The following MTCL1 variants were observed in gnomAD, a reference collection of about 807,000 sequenced individuals.
MTCL1 encodes the protein microtubule crosslinking factor 1.
MTCL1 carries 79 observed loss-of-function variants against 141.4 expected under a neutral mutation model. That is an observed-to-expected ratio of 0.56 (90% CI 0.47 to 0.67). The LOEUF is 0.67. Ranked by LOEUF, MTCL1 falls within the 30% of genes least tolerant of loss-of-function variation. The pLI, the probability that MTCL1 is intolerant of heterozygous loss-of-function variation, is 0.00. For missense variants in MTCL1, 2,177 were observed against 2,113.9 expected (o/e 1.03, Z -0.59); for synonymous variants, 914 against 875.8 (o/e 1.04, Z -0.77).
intron 4 of MTCL1, among the ~76,000 whole-genome samples, chr18:8,766,800 C>A (rs990145387): frequency 2.0e-5 from 3 of 152,202 alleles, no homozygotes; most frequent in Non-Finnish European, 2.9e-5. Flanking sequence ...GGACTTCCCT[C>A]CCTCTGTTCT....
At chr18:8,751,490 A>G (rs1490557935) in intron 4 of MTCL1, among the ~76,000 whole-genome samples, 1 of 152,252 alleles carries the variant, frequency 6.6e-6, no homozygotes, top group African/African-American at 2.4e-5. Context: ...TTTTGGGACA[A>G]GATAACTGAC....
chr18:8,819,340 T>C (rs2076765959), intron 13 of MTCL1, 81 bp downstream of exon 12: 11 of 1,453,682 alleles, frequency 7.6e-6, no homozygotes, highest in Non-Finnish European at 9.4e-6. Flanking sequence ...TCTGCCAGAT[T>C]CCTCTCCTGG....
rs1259179774 is a variant in MTCL1 at position 8,705,973 on chromosome 18, C to T, written c.313C>T (p.Pro105Ser). ...CCTCTCTCGGCGCAGTGGCGGCGTC[C>T]CGGGCGCGAAGGACAAGCCCCCGCC... The change falls in exon 1 of 14, where the codon CCG (proline) becomes TCG (serine). Residue 105 changes from proline to serine, a missense_variant. Coordinates refer to the MTCL1 transcript ENST00000306329. This position sits in a 1 kb window ranked among gnomAD's most constrained non-coding sequence, Gnocchi z 5.2. 8.8e-7 allele frequency: 1 copy of T among 1,132,620 alleles called. No individual in the cohort carries two copies. Among genetic ancestry groups the T allele is most frequent in the Non-Finnish European group, 1.1e-6 (1 of 926,222 alleles). 70.2% of individuals were successfully genotyped at this position (1,132,620 alleles called of 1,614,324 possible).
At chr18:8,803,289 C>T (rs2076184107) in intron 10 of MTCL1, among the ~76,000 whole-genome samples, 1 of 152,138 alleles carries the variant, frequency 6.6e-6, no homozygotes, top group South Asian at 2.1e-4. Flanking sequence ...ATCTCACTTC[C>T]TTGACAGTGG....
At chr18:8,717,960 CA>C in exon 2 of MTCL1, 2 of 999,804 alleles carry the variant, frequency 2.0e-6, no homozygotes, top group South Asian at 9.1e-5. Context: ...GGGACATTTG[CA>C]GGTATGTTTT....
At chr18:8,764,326 T>TC (rs1468786985) in intron 4 of MTCL1, among the ~76,000 whole-genome samples, 1 of 152,128 alleles carries the variant, frequency 6.6e-6, no homozygotes, top group Non-Finnish European at 1.5e-5. Context: ...CTCACTTTTT[T>TC]TTTTTTTTGA....
intron 10 of MTCL1, among the ~76,000 whole-genome samples, chr18:8,801,078 C>G (rs2076104626): frequency 6.6e-6 from 1 of 152,162 alleles, no homozygotes; most frequent in South Asian, 2.1e-4. Flanking sequence ...TGCTCCTTGT[C>G]GGGGCTTCTG....
chr18:8,783,866 G>A, exon 6 of MTCL1: 1 of 1,613,104 alleles, frequency 6.2e-7, no homozygotes, highest in Non-Finnish European at 8.5e-7. Context: ...GGAGGGCCCG[G>A]GTCGGGACCA....
intron 4 of MTCL1, among the ~76,000 whole-genome samples, chr18:8,752,013 G>T (rs1337539362): frequency 6.6e-6 from 1 of 152,178 alleles, no homozygotes; most frequent in African/African-American, 2.4e-5. Context: ...TCAAAAGAAG[G>T]CCCCAGAGGG....
chr18:8,775,663 C>G (rs2143227335), intron 4 of MTCL1, among the ~76,000 whole-genome samples: 1 of 152,300 alleles, frequency 6.6e-6, no homozygotes, highest in South Asian at 2.1e-4. Context: ...GAAACTCAAG[C>G]TGTCTTTAAG....
chr18:8,745,790 G>A (rs1424914176), intron 4 of MTCL1, among the ~76,000 whole-genome samples: 1 of 152,146 alleles, frequency 6.6e-6, no homozygotes, highest in Non-Finnish European at 1.5e-5. Flanking sequence ...CAGTGCAGTG[G>A]CATTAAGTAC....
At chr18:8,716,791 A>G (rs991783594), upstream of MTCL1, among the ~76,000 whole-genome samples, 2 of 152,100 alleles carry the variant, frequency 1.3e-5, no homozygotes, top group African/African-American at 4.8e-5. Flanking sequence ...AGTAAATGGG[A>G]ATAACTGAGT....
In MTCL1 at chr18:8,734,035, G is replaced by C. The variant is rs142228711; in HGVS notation, c.357+13539G>C. ...AAGGCCCAGTTGTCATCTAACCCTC[G>C]TGGAAACATTACAGGTGAGGGTTGC... is the stretch of plus-strand genomic sequence containing the variant. On this transcript the variant is annotated intron_variant, in intron 4 of 16. Coordinates refer to ENST00000359865, the Ensembl canonical transcript of MTCL1. Among the ~76,000 whole-genome samples the C allele has an allele frequency of 4.7e-3, 709 of 152,146 alleles. 4 individuals are homozygous for C. Among genetic ancestry groups the C allele is most frequent in the Middle Eastern group, 6.8e-3 (2 of 294 alleles).
chr18:8,748,177 G>A (rs149318467), intron 4 of MTCL1, among the ~76,000 whole-genome samples: 1 of 152,126 alleles, frequency 6.6e-6, no homozygotes, highest in African/African-American at 2.4e-5. Flanking sequence ...GAACTGAGGT[G>A]CCCAGACCTC....
At chr18:8,744,520 G>A (rs1477872125) in intron 4 of MTCL1, among the ~76,000 whole-genome samples, 1 of 151,984 alleles carries the variant, frequency 6.6e-6, no homozygotes, top group African/African-American at 2.4e-5. Flanking sequence ...AACTTCTCCT[G>A]GTTTTCATTT....
At chr18:8,747,599 A>AT (rs1329500521) in intron 4 of MTCL1, among the ~76,000 whole-genome samples, 4 of 152,162 alleles carry the variant, frequency 2.6e-5, no homozygotes, top group African/African-American at 9.7e-5. Flanking sequence ...GATCCGGCCC[A>AT]TGCAGTCTAG....
At chr18:8,789,166 C>T (rs534535435) in intron 7 of MTCL1, among the ~76,000 whole-genome samples, 59 of 152,182 alleles carry the variant, frequency 3.9e-4, no homozygotes, top group Non-Finnish European at 4.7e-4. Context: ...TGCTTTTATC[C>T]TTCAATCAAG....
exon 8 of MTCL1, chr18:8,793,004 G>C: frequency 6.2e-7 from 1 of 1,613,866 alleles, no homozygotes; most frequent in Non-Finnish European, 8.5e-7. Flanking sequence ...TCAGCTCAGG[G>C]GCCCCCCCGT....
At chr18:8,729,558 G>A (rs1471866681) in intron 4 of MTCL1, among the ~76,000 whole-genome samples, 1 of 151,300 alleles carries the variant, frequency 6.6e-6, no homozygotes, top group Non-Finnish European at 1.5e-5. Context: ...ATACGCCACC[G>A]CACCCAGCTG....
Sources: gnomAD v4.1 joint callset for allele counts (sites outside exome capture counted in the v4.1 genomes callset) on GRCh38, gnomAD v4.1.1 for gene constraint, Gnocchi (gnomAD v3.1) non-coding constraint, MANE v1.5 for transcripts, NCBI Gene and HGNC (gene_info 2026-07-23, HGNC 2026-07-21) for gene names.